Variants in SLC25A13 observed in about 807,000 individuals in gnomAD.
SLC25A13 encodes the protein electrogenic aspartate/glutamate antiporter SLC25A13, mitochondrial.
A neutral mutation model predicts 85.5 loss-of-function variants in SLC25A13; 70 were observed. The observed-to-expected ratio is 0.82, with a 90% CI of 0.68 to 1.00. The LOEUF (loss-of-function observed/expected upper bound fraction) is 1.00. Among genes scored for constraint, SLC25A13 ranks in the 50% least tolerant of loss-of-function variants. The pLI is 0.00. For missense variants in SLC25A13, 765 were observed against 819.8 expected (o/e 0.93, Z 0.82); for synonymous variants, 259 against 288.7 (o/e 0.90, Z 1.04).
chr7:96,184,483 GAAGA>G, intron 10 of SLC25A13, 48 bp from the exon 11 acceptor site: 4 of 1,554,346 alleles, frequency 2.6e-6, no homozygotes, highest in Non-Finnish European at 3.5e-6. Flanking sequence ...AGATAGGTCA[GAAGA>G]AAGAAGAAGG....
At chr7:96,135,878 T>TTA (rs1554337774) in intron 14 of SLC25A13, among the ~76,000 whole-genome samples, 2 of 150,374 alleles carry the variant, frequency 1.3e-5, no homozygotes, top group Non-Finnish European at 3.0e-5. Flanking sequence ...TTTTTTTTTT[T>TTA]AAACTGGTTT....
rs535027170 is a variant in SLC25A13, at chr7:96,238,270, G to A, written c.213-3353C>T. Among the ~76,000 whole-genome samples, 170 of 152,096 alleles carry A rather than the reference G, an allele frequency of 1.1e-3. 1 individual carries two copies. The highest frequency in any genetic ancestry group is 3.4e-3 in the Middle Eastern group (1 of 294). Reference sequence around the variant, plus strand: ...AGCCAAGGAACACCAAAGGTTGCCCGCCCACCACCAGAAGACAGGAAAGAA... The same window carrying A: ...AGCCAAGGAACACCAAAGGTTGCCCACCCACCACCAGAAGACAGGAAAGAA... On this transcript the variant is annotated intron_variant, in intron 3 of 17. Transcript: ENST00000265631.
chr7:96,202,478 A>G (rs893172925), intron 5 of SLC25A13, among the ~76,000 whole-genome samples: 1 of 152,178 alleles, frequency 6.6e-6, no homozygotes. Context: ...CAGGTCAGCT[A>G]TCCTGTCTCT....
rs758933147 is a variant in SLC25A13, at chr7:96,173,560, G to A, written c.1178-2036C>T. ...TCCTATCAGCATTTGAGTTTGCAAC[G>A]CTTCTTTTTGTTTTTTCTCATTTTT... On this transcript the variant is annotated intron_variant, in intron 11 of 17. Transcript: ENST00000265631. 1.1e-4 allele frequency among the ~76,000 whole-genome samples: 16 copies of A among 152,250 alleles called. 1 individual carries two copies. The highest frequency in any genetic ancestry group is 2.9e-4 in the African/African-American group (12 of 41,542).
At chr7:96,206,351 A>T (rs545584778) in intron 5 of SLC25A13, among the ~76,000 whole-genome samples, 1 of 152,198 alleles carries the variant, frequency 6.6e-6, no homozygotes, top group African/African-American at 2.4e-5. Flanking sequence ...TAAATTCACT[A>T]ATATCTTTAA....
At chr7:96,311,051 GATAT>G (rs1295164064) in intron 1 of SLC25A13, among the ~76,000 whole-genome samples, 1 of 151,934 alleles carries the variant, frequency 6.6e-6, no homozygotes, top group African/African-American at 2.4e-5. Context: ...TTATAACAAT[GATAT>G]ATACTCATAT....
chr7:96,131,661 A>C, intron 15 of SLC25A13, 82 bp downstream of exon 15: 1 of 1,598,394 alleles, frequency 6.3e-7, no homozygotes, highest in South Asian at 1.1e-5. Flanking sequence ...TCAGCAAAAA[A>C]ATTTCAATGT....
At chr7:96,208,222 A>T (rs1241867664) in intron 5 of SLC25A13, among the ~76,000 whole-genome samples, 2 of 152,292 alleles carry the variant, frequency 1.3e-5, no homozygotes, top group South Asian at 2.1e-4. Context: ...GCCCCTCCTG[A>T]TCTAAGTGAC....
intron 2 of SLC25A13, among the ~76,000 whole-genome samples, chr7:96,292,287 A>AT (rs1291539875): frequency 6.6e-6 from 1 of 152,214 alleles, no homozygotes; most frequent in African/African-American, 2.4e-5. Context: ...TCTCAAAATA[A>AT]TAAGAGCTAT....
chr7:96,297,581 G>A (rs767095698), intron 1 of SLC25A13, among the ~76,000 whole-genome samples: 9 of 152,066 alleles, frequency 5.9e-5, no homozygotes, highest in East Asian at 1.9e-4. Flanking sequence ...TGATCTGCCC[G>A]CCTCAGCCTC....
chr7:96,304,413 C>A (rs1282645056), intron 1 of SLC25A13, among the ~76,000 whole-genome samples: 1 of 152,210 alleles, frequency 6.6e-6, no homozygotes, highest in African/African-American at 2.4e-5. Context: ...AGATTTCACT[C>A]TGCTCTGTTG....
chr7:96,310,669 AG>A (rs1191401271), intron 1 of SLC25A13, among the ~76,000 whole-genome samples: 2 of 152,198 alleles, frequency 1.3e-5, no homozygotes, highest in Non-Finnish European at 2.9e-5. Context: ...CAGGTGGCAA[AG>A]TCAATTTTTT....
intron 3 of SLC25A13, among the ~76,000 whole-genome samples, chr7:96,262,317 G>T (rs1425221661): frequency 6.6e-6 from 1 of 152,118 alleles, no homozygotes; most frequent in Non-Finnish European, 1.5e-5. Context: ...ACCAAACAAA[G>T]AAAGAGGAAA....
At chr7:96,123,389 A>C (rs1003797420) in intron 15 of SLC25A13, among the ~76,000 whole-genome samples, 3 of 152,260 alleles carry the variant, frequency 2.0e-5, no homozygotes, top group Non-Finnish European at 2.9e-5. Context: ...TTAGACATGC[A>C]ATAAAAGCCG....
Position 96,208,907 on chromosome 7 carries a change from A to G in SLC25A13, c.399T>C (p.Phe133=). 1 of 1,614,160 alleles carries G rather than the reference A, an allele frequency of 6.2e-7. No individual in the cohort carries two copies. The highest frequency in any genetic ancestry group is 8.5e-7 in the Non-Finnish European group (1 of 1,180,004). The change falls in exon 5 of 18, where the codon TTT becomes TTC. Residue 133 remains phenylalanine (F), a synonymous_variant. Transcript: ENST00000265631. ...TTTCTTTTCCAAAATGTAGTTGCAC[A>G]AATTCTGAATCCCAGTTAAATGGAA... ...QHIPFNWDSE[F]VQLHFGKERK...
At chr7:96,155,747 A>T (rs1418212863) in intron 13 of SLC25A13, among the ~76,000 whole-genome samples, 3 of 152,182 alleles carry the variant, frequency 2.0e-5, no homozygotes, top group African/African-American at 7.2e-5. Context: ...TGGAGAAGCA[A>T]GAGCCAGACA....
Position 96,208,950 on chromosome 7 carries a change from G to T in SLC25A13, c.356C>A (p.Thr119Asn). ...FEDVKQVFGQ[T>N]TIHQHIPFNW... Reference sequence around the variant, plus strand: ...AAATGGAATATGTTGATGAATTGTGGTCTGTCCAAAAACTTGCTTAACATC... The same window carrying T: ...AAATGGAATATGTTGATGAATTGTGTTCTGTCCAAAAACTTGCTTAACATC... Residue 119 changes from threonine to asparagine, a missense_variant, in exon 5 of 18, where the codon ACC becomes AAC. By Grantham distance (65) the Thr-to-Asn change is moderately conservative (BLOSUM62 0). Transcript: ENST00000265631. 1 of 1,614,048 alleles carries T rather than the reference G, an allele frequency of 6.2e-7. No individual in the cohort carries two copies. Among genetic ancestry groups the T allele is most frequent in the East Asian group, 2.2e-5 (1 of 44,874 alleles).
intron 14 of SLC25A13, among the ~76,000 whole-genome samples, chr7:96,136,606 A>T (rs890603631): frequency 6.6e-6 from 1 of 152,136 alleles, no homozygotes; most frequent in African/African-American, 2.4e-5. Flanking sequence ...TGGGGAAAAA[A>T]CCAGTCCTGA....
chr7:96,131,656 A>C, intron 15 of SLC25A13, 87 bp downstream of exon 15: 1 of 1,586,274 alleles, frequency 6.3e-7, no homozygotes, highest in Non-Finnish European at 8.6e-7. Flanking sequence ...AACTATCAGC[A>C]AAAAAATTTC....
Sources: allele counts gnomAD v4.1 joint callset (sites outside exome capture counted in the v4.1 genomes callset), GRCh38; gene constraint gnomAD v4.1.1; transcripts MANE v1.5; gene names NCBI Gene and HGNC (gene_info 2026-07-23, HGNC 2026-07-21).